The following LAMA2 variants were observed in gnomAD, a reference collection of about 807,000 sequenced individuals.
LAMA2 encodes the protein laminin subunit alpha-2.
In LAMA2, 269 loss-of-function variants were observed where a neutral mutation model predicts 364.8. The ratio of observed to expected loss-of-function variants is 0.74; its 90% CI spans 0.67 to 0.82. LAMA2 has a LOEUF of 0.82. LAMA2 is among the 40% of genes least tolerant of loss of function. The pLI is 0.00. For missense variants in LAMA2, 3,807 were observed against 3,873.2 expected, an observed-to-expected ratio of 0.98 and a Z score of 0.45; for synonymous variants, 1,379 against 1,370.6, an observed-to-expected ratio of 1.01 and a Z score of -0.14.
At chr6:129,438,786 CTG>C in intron 42 of LAMA2, 24 bp downstream of exon 42, 1 of 1,161,930 alleles carries the variant, frequency 8.6e-7, no homozygotes, top group Non-Finnish European at 1.3e-6. Flanking sequence ...ACACTACCAA[CTG>C]TGTCAGTTGA....
intron 8 of LAMA2, chr6:129,158,729 T>A: frequency 6.2e-7 from 1 of 1,614,140 alleles, no homozygotes; most frequent in Non-Finnish European, 8.5e-7. Context: ...CAAATACTGG[T>A]TACATAAATT....
chr6:129,085,001 G>A (rs541154405), intron 3 of LAMA2, among the ~76,000 whole-genome samples: 151 of 152,212 alleles, frequency 9.9e-4, no homozygotes, highest in African/African-American at 3.5e-3. Flanking sequence ...AGATCTTCCT[G>A]CTTTACCATT....
At chr6:129,046,142 C>G (rs1018972916) in intron 1 of LAMA2, among the ~76,000 whole-genome samples, 9 of 152,176 alleles carry the variant, frequency 5.9e-5, no homozygotes, top group African/African-American at 2.2e-4. Context: ...TTTGTTCTTA[C>G]TACTTATTTT....
intron 3 of LAMA2, among the ~76,000 whole-genome samples, chr6:129,097,720 C>T (rs1422963196): frequency 1.3e-5 from 2 of 152,170 alleles, no homozygotes; most frequent in Admixed American, 6.5e-5. Flanking sequence ...TACTAACTGC[C>T]TCTAAATGGC....
intron 28 of LAMA2, among the ~76,000 whole-genome samples, chr6:129,321,401 G>C (rs1280187934): frequency 6.6e-6 from 1 of 152,094 alleles, no homozygotes; most frequent in Non-Finnish European, 1.5e-5. Flanking sequence ...GCTTTAGCAG[G>C]TAAACACCAA....
intron 1 of LAMA2, among the ~76,000 whole-genome samples, chr6:128,949,188 A>T (rs1029783085): frequency 4.6e-5 from 7 of 152,224 alleles, no homozygotes; most frequent in African/African-American, 1.7e-4. Flanking sequence ...TTTCTCAAGG[A>T]CACGCTCATC....
At chr6:128,940,052 C>G (rs1780061138) in intron 1 of LAMA2, among the ~76,000 whole-genome samples, 1 of 152,146 alleles carries the variant, frequency 6.6e-6, no homozygotes, top group Non-Finnish European at 1.5e-5. Flanking sequence ...GCCATTCTTG[C>G]TCATCATGAT....
intron 1 of LAMA2, among the ~76,000 whole-genome samples, chr6:128,910,821 GA>G (rs1294332627): frequency 4.0e-5 from 6 of 149,716 alleles, no homozygotes; most frequent in African/African-American, 1.5e-4. Context: ...TCTTGGTGTG[GA>G]TGTCCTTTCT....
At chr6:129,158,209 G>A (rs1779237562) in intron 8 of LAMA2, 2 of 1,613,590 alleles carry the variant, frequency 1.2e-6, no homozygotes, top group South Asian at 2.2e-5. Context: ...ATCAAATAGA[G>A]CTGAGTCCAG....
chr6:129,208,554 A>AAGAAAGAAAG (rs200445994), intron 12 of LAMA2, among the ~76,000 whole-genome samples: 1 of 135,104 alleles, frequency 7.4e-6, no homozygotes, highest in East Asian at 2.1e-4. Context: ...AAGGAAGAGA[A>AAGAAAGAAAG]AGAAAGAAAG....
chr6:129,058,193 A>C (rs1788618717), intron 2 of LAMA2, among the ~76,000 whole-genome samples: 2 of 152,196 alleles, frequency 1.3e-5, no homozygotes, highest in African/African-American at 4.8e-5. Context: ...GAGAAAGAAA[A>C]AGACCTTATA....
intron 1 of LAMA2, among the ~76,000 whole-genome samples, chr6:128,973,445 T>C (rs577077249): frequency 9.2e-5 from 14 of 152,342 alleles, no homozygotes; most frequent in African/African-American, 3.1e-4. Context: ...AGAAGCTAGA[T>C]TTAAAATGTA....
chr6:128,929,334 G>C, intron 1 of LAMA2: 2 of 1,149,162 alleles, frequency 1.7e-6, no homozygotes, highest in Non-Finnish European at 2.6e-6. Flanking sequence ...CAAGTACACG[G>C]CCCAAAGACT....
rs113900097 is a variant in LAMA2 at position 129,477,485 on chromosome 6, T to C, written c.7452-1208T>C. Among the ~76,000 whole-genome samples the C allele has an allele frequency of 8.4e-3, 1,272 of 152,272 alleles. 11 individuals carry two copies. Among genetic ancestry groups the C allele is most frequent in the Non-Finnish European group, 0.014 (946 of 68,010 alleles). On this transcript the variant is annotated intron_variant, in intron 53 of 64. Coordinates refer to ENST00000421865, the MANE Select transcript of LAMA2 (RefSeq NM_000426.4). The stretch of plus-strand genomic sequence containing the variant: ...ATTATGTAGGTACTATGATTATTAT[T>C]ATCATGCCCATTTCACATATAAGAA...
chr6:129,405,801 A>G (rs1390971169), intron 40 of LAMA2, among the ~76,000 whole-genome samples: 1 of 152,200 alleles, frequency 6.6e-6, no homozygotes, highest in Admixed American at 6.5e-5. Flanking sequence ...TAGGACTAAC[A>G]TCCCATAAAT....
intron 1 of LAMA2, among the ~76,000 whole-genome samples, chr6:128,886,725 A>G (rs1317909050): frequency 1.3e-5 from 2 of 152,214 alleles, no homozygotes; most frequent in Non-Finnish European, 2.9e-5. Flanking sequence ...CCATAGAAGA[A>G]CATGACAAAC....
chr6:129,287,088 AAGGAG>A (rs1789314938), intron 18 of LAMA2, among the ~76,000 whole-genome samples: 3 of 20,008 alleles, frequency 1.5e-4, no homozygotes, highest in African/African-American at 6.7e-4. Flanking sequence ...GGAGGGAGGG[AAGGAG>A]GGAAGGAGGG....
chr6:128,926,755 A>T (rs1157477960), intron 1 of LAMA2, among the ~76,000 whole-genome samples: 1 of 152,216 alleles, frequency 6.6e-6, no homozygotes, highest in Non-Finnish European at 1.5e-5. Flanking sequence ...TTTTGAAATA[A>T]AGACCACTTT....
Position 129,394,654 on chromosome 6 carries a change from G to A in LAMA2, c.5445+1399G>A, listed in dbSNP as rs750007375. ...CACCCTGCTCGGTGACACACCAGCC[G>A]TGTGACTTACCCGAAGGTGCACCTG... On this transcript the variant is annotated intron_variant, in intron 37 of 64. Transcript: ENST00000421865. Among the ~76,000 whole-genome samples the A allele has an allele frequency of 6.6e-5, 10 of 152,314 alleles. No individual in the cohort carries two copies. In the South Asian group the frequency reaches 1.0e-3, roughly 16 times the overall value.
Sources: allele counts gnomAD v4.1 joint callset (sites outside exome capture counted in the v4.1 genomes callset), GRCh38; gene constraint gnomAD v4.1.1; transcripts MANE v1.5; gene names NCBI Gene and HGNC (gene_info 2026-07-23, HGNC 2026-07-21).